Variants in SCG3 observed in about 807,000 individuals in gnomAD.
SCG3 encodes secretogranin-3.
A neutral mutation model predicts 56.2 loss-of-function variants in SCG3; 38 were observed. The ratio of observed to expected loss-of-function variants is 0.68; its 90% CI spans 0.52 to 0.89. SCG3 has a LOEUF of 0.89. Among genes scored for constraint, SCG3 ranks in the 40% least tolerant of loss-of-function variants. The pLI is 0.00. For synonymous variants in SCG3, 176 were observed against 184.2 expected, an observed-to-expected ratio of 0.96 and a Z score of 0.36; for missense variants, 524 against 540.7, an observed-to-expected ratio of 0.97 and a Z score of 0.31.
chr15:51,709,703 T>TA (rs2055405087), intron 10 of SCG3, among the ~76,000 whole-genome samples: 2 of 12,054 alleles, frequency 1.7e-4, no homozygotes, highest in Non-Finnish European at 2.8e-4. Context: ...ATATATATAT[T>TA]TTTTTTTTTT....
At chr15:51,689,148 TA>T (rs2055249666) in intron 5 of SCG3, 70 bp from the exon 6 acceptor site, 1 of 1,472,612 alleles carries the variant, frequency 6.8e-7, no homozygotes, top group African/African-American at 1.4e-5. Context: ...GACTACAGTT[TA>T]GTCCACATTA....
Position 51,683,410 on chromosome 15 carries a change from A to G in SCG3, c.373A>G (p.Ser125Gly). 3 of 1,609,180 alleles carry G rather than the reference A, an allele frequency of 1.9e-6. No homozygotes were observed. Among genetic ancestry groups the G allele is most frequent in the Non-Finnish European group, 2.5e-6 (3 of 1,178,498 alleles). ...KLIDDYDSTKSGLDHKFQDDP... is the reference protein window; with the variant it reads ...KLIDDYDSTKGGLDHKFQDDP... ...GATCGATGATTATGACTCTACTAAG[A>G]GTGGATTGGATCATAAATTTCAAGG... The change falls in exon 4 of 12, where the codon AGT becomes GGT. Residue 125 changes from serine to glycine, a missense_variant. Physicochemically the swap from Ser to Gly is moderately conservative, Grantham distance 56. Coordinates refer to ENST00000220478, the MANE Select transcript of SCG3 (RefSeq NM_013243.4).
chr15:51,690,636 A>G (rs1185998145), intron 6 of SCG3, among the ~76,000 whole-genome samples: 1 of 120,552 alleles, frequency 8.3e-6, no homozygotes, highest in African/African-American at 3.3e-5. Context: ...ACTCAAAAAA[A>G]AAGTTCTAGA....
chr15:51,706,167 G>C (rs1423072870), intron 10 of SCG3, among the ~76,000 whole-genome samples: 1 of 152,168 alleles, frequency 6.6e-6, no homozygotes, highest in Non-Finnish European at 1.5e-5. Flanking sequence ...TTGTCTCTAG[G>C]TAGAAAAAGA....
In SCG3 at chr15:51,704,256, T is replaced by C. The variant is rs941626914; in HGVS notation, c.1207+3012T>C. Among the ~76,000 whole-genome samples the C allele has an allele frequency of 8.0e-4, 103 of 128,042 alleles. No homozygotes were observed. In the East Asian group the frequency reaches 0.023, roughly 29 times the overall value. 84.0% of individuals were successfully genotyped at this position (128,042 alleles called of 152,430 possible). A position where few individuals can be genotyped will look rare whatever the true frequency, so the allele number is the denominator to read the frequency against. ...ACATACATACATACATATATATATATATATATATATATATATATATATAAA... is the reference window on the plus strand; with the variant it reads ...ACATACATACATACATATATATATACATATATATATATATATATATATAAA... On this transcript the variant is annotated intron_variant, in intron 10 of 11. Coordinates refer to ENST00000220478, the MANE Select transcript of SCG3 (RefSeq NM_013243.4).
At chr15:51,703,954 T>C (rs2055354345) in intron 10 of SCG3, among the ~76,000 whole-genome samples, 1 of 152,084 alleles carries the variant, frequency 6.6e-6, no homozygotes, top group Non-Finnish European at 1.5e-5. Flanking sequence ...CTACATTTTT[T>C]CCTACATTGA....
chr15:51,701,756 A>G (rs1304298257), intron 10 of SCG3, among the ~76,000 whole-genome samples: 1 of 152,164 alleles, frequency 6.6e-6, no homozygotes, highest in Non-Finnish European at 1.5e-5. Flanking sequence ...AAATGCAAAA[A>G]TTAGCCAGGC....
At chr15:51,714,947 C>T (rs926679950) in intron 11 of SCG3, among the ~76,000 whole-genome samples, 5 of 152,192 alleles carry the variant, frequency 3.3e-5, no homozygotes, top group Non-Finnish European at 2.9e-5. Flanking sequence ...CATTAAATTA[C>T]AACATGCCAT....
At chr15:51,688,502 G>A in intron 5 of SCG3, 100 bp downstream of exon 5, 2 of 1,068,822 alleles carry the variant, frequency 1.9e-6, no homozygotes, top group Non-Finnish European at 2.7e-6. Flanking sequence ...TTTATAATGT[G>A]TCTTCCTTCT....
Position 51,689,292 on chromosome 15 carries a change from C to A in SCG3, c.614C>A (p.Ala205Asp). The change falls in exon 6 of 12, where the codon GCC becomes GAC. Residue 205 changes from alanine to aspartate, a missense_variant. Physicochemically the swap from Ala to Asp is moderately radical, Grantham distance 126. Coordinates refer to ENST00000220478, the MANE Select transcript of SCG3 (RefSeq NM_013243.4). Reference protein sequence around the residue: ...EVLQKLISKEANNYEEDPNKP... With the variant: ...EVLQKLISKEDNNYEEDPNKP... ...TTACAAAAATTAATCTCAAAGGAAG[C>A]CAACAATTATGAGGAGGATCCCAAT... 6.2e-7 allele frequency: 1 copy of A among 1,613,758 alleles called. No homozygotes were observed. The highest frequency in any genetic ancestry group is 1.6e-4 in the Middle Eastern group (1 of 6,062).
chr15:51,682,242 C>T (rs2141555317), intron 1 of SCG3, among the ~76,000 whole-genome samples: 1 of 151,168 alleles, frequency 6.6e-6, no homozygotes, highest in Admixed American at 6.6e-5. Context: ...GCTGATAACC[C>T]TAGTGTTAGA....
intron 7 of SCG3, 64 bp from the exon 8 acceptor site, chr15:51,695,811 T>G: frequency 1.1e-6 from 1 of 884,276 alleles, no homozygotes; most frequent in Non-Finnish European, 1.8e-6. Context: ...CTGTACTTTA[T>G]AAATTGACAT....
At chr15:51,699,083 G>A (rs778301009) in intron 8 of SCG3, among the ~76,000 whole-genome samples, 4 of 152,134 alleles carry the variant, frequency 2.6e-5, no homozygotes, top group Non-Finnish European at 5.9e-5. Flanking sequence ...ATGCAGAAGC[G>A]ACTTCTGCAA....
chr15:51,712,652 C>T (rs1033184390), intron 10 of SCG3, among the ~76,000 whole-genome samples: 9 of 152,264 alleles, frequency 5.9e-5, no homozygotes, highest in Non-Finnish European at 1.3e-4. Flanking sequence ...GACATCAGTA[C>T]AGGTAAAGGG....
chr15:51,710,626 G>A (rs2055414353), intron 10 of SCG3, among the ~76,000 whole-genome samples: 1 of 151,874 alleles, frequency 6.6e-6, no homozygotes, highest in Admixed American at 6.6e-5. Context: ...TGGCTGTGTT[G>A]TCCAAGCTGG....
chr15:51,688,239 A>G lies in SCG3; in HGVS notation c.398-21A>G, dbSNP rs776781526. 3 of 1,604,140 alleles carry G rather than the reference A, an allele frequency of 1.9e-6. No homozygotes were observed. In the South Asian group the frequency reaches 3.3e-5, roughly 18 times the overall value. On this transcript the variant is annotated intron_variant, in intron 4 of 11. Coordinates refer to ENST00000220478, the MANE Select transcript of SCG3 (RefSeq NM_013243.4). ...TAGATCTATGATCACTATGGTGTGAAGTTGTGGTCGTTCTGTCTAGATGAT... is the reference window on the plus strand; with the variant it reads ...TAGATCTATGATCACTATGGTGTGAGGTTGTGGTCGTTCTGTCTAGATGAT...
intron 10 of SCG3, 59 bp downstream of exon 10, chr15:51,701,303 C>T: frequency 6.7e-7 from 1 of 1,500,158 alleles, no homozygotes; most frequent in South Asian, 1.4e-5. Flanking sequence ...GCTTTCACCA[C>T]ACAAGGGAGG....
In SCG3 at chr15:51,710,077, T is replaced by G. The variant is rs186524437; in HGVS notation, c.1208-3256T>G. On this transcript the variant is annotated intron_variant, in intron 10 of 11. Transcript: ENST00000220478. Reference sequence around the variant, plus strand: ...TAAGATGTAGTTTCCTAGTTTGGATTCCATGCTGACTGGGCAATCTTCTAA... The same window carrying G: ...TAAGATGTAGTTTCCTAGTTTGGATGCCATGCTGACTGGGCAATCTTCTAA... Among the ~76,000 whole-genome samples the G allele has an allele frequency of 1.7e-3, 254 of 151,890 alleles. 4 individuals are homozygous for G. Among genetic ancestry groups the G allele is most frequent in the African/African-American group, 5.8e-3 (242 of 41,406 alleles).
Position 51,681,637 on chromosome 15 carries a change from T to TCCCCCCCCCC in SCG3, c.-116_-115insCCCCCCCCCC. 1.7e-6 allele frequency: 1 copy of TCCCCCCCCCC among 582,690 alleles called. No homozygotes were observed. Among genetic ancestry groups the TCCCCCCCCCC allele is most frequent in the Non-Finnish European group, 3.3e-6 (1 of 307,202 alleles). 36.1% of individuals were successfully genotyped at this position (582,690 alleles called of 1,614,324 possible). On this transcript the variant is annotated 5_prime_UTR_variant, in exon 1 of 12. Transcript: ENST00000220478. ...TGCAGCCGCCCAGTCCCGGCCCCTC[T>TCCCCCCCCCC]CCCGCCCCACACCCACCCTCCTGGC... is the stretch of plus-strand genomic sequence containing the variant.
Sources: allele counts gnomAD v4.1 joint callset (sites outside exome capture counted in the v4.1 genomes callset), GRCh38; gene constraint gnomAD v4.1.1; transcripts MANE v1.5; gene names NCBI Gene and HGNC (gene_info 2026-07-23, HGNC 2026-07-21).